Variants in FBXL4 observed in about 807,000 individuals in gnomAD.
The protein encoded by FBXL4 is F-box and leucine rich repeat protein 4, also known as F-box/LRR-repeat protein 4.
A neutral mutation model predicts 58.9 loss-of-function variants in FBXL4; 40 were observed. The ratio of observed to expected loss-of-function variants is 0.68; its 90% CI spans 0.53 to 0.88. The LOEUF (loss-of-function observed/expected upper bound fraction) is 0.88, where lower values mean the gene tolerates loss of function less well. Among genes scored for constraint, FBXL4 ranks in the 40% least tolerant of loss-of-function variants. The probability of loss-of-function intolerance (pLI) is 0.00; values close to 1 mark genes in which losing one functional copy is unlikely to be tolerated. For missense variants in FBXL4, 676 were observed against 734.4 expected, an observed-to-expected ratio of 0.92 and a Z score of 0.92; for synonymous variants, 263 against 265.5, an observed-to-expected ratio of 0.99 and a Z score of 0.09.
intron 4 of FBXL4, among the ~76,000 whole-genome samples, chr6:98,923,729 C>T (rs1438865553): frequency 6.6e-6 from 1 of 152,166 alleles, no homozygotes; most frequent in Non-Finnish European, 1.5e-5. Flanking sequence ...TGGTTCCTAG[C>T]AGTGAACTGG....
Position 98,917,575 on chromosome 6 carries a change from T to C in FBXL4, c.657A>G (p.Glu219=). Residue 219 remains glutamate (E), a synonymous_variant, in exon 5 of 10, where the codon GAA becomes GAG. Transcript: ENST00000369244. ...CACCATGTAGCACAACTGCATCTAA[T>C]TCAGTGTAATATTCCAGAAGAGAAC... ...VNSSLLEYYT[E]LDAVVLHGVK... 1 of 1,614,012 alleles carries C rather than the reference T, an allele frequency of 6.2e-7. No individual in the cohort carries two copies. Among genetic ancestry groups the C allele is most frequent in the Non-Finnish European group, 8.5e-7 (1 of 1,179,908 alleles).
Position 98,872,275 on chromosome 6 carries a change from T to C in FBXL4, c.*2003A>G, listed in dbSNP as rs1287233890. On this transcript the variant is annotated 3_prime_UTR_variant, in exon 10 of 10. Transcript: ENST00000369244. Reference sequence around the variant, plus strand: ...AATTGGAAGTGATTAAGCTGCAATGTAATAACATGCTAAAAGGAAAATATC... The same window carrying C: ...AATTGGAAGTGATTAAGCTGCAATGCAATAACATGCTAAAAGGAAAATATC... 2 of 152,208 alleles carry C rather than the reference T, an allele frequency of 1.3e-5. No individual in the cohort carries two copies. The highest frequency in any genetic ancestry group is 4.8e-5 in the African/African-American group (2 of 41,458). The allele number at this position is 152,208 out of a possible 1,614,324, so 9.4% of individuals were successfully genotyped here.
intron 5 of FBXL4, among the ~76,000 whole-genome samples, chr6:98,915,779 A>G (rs963607151): frequency 2.6e-4 from 39 of 152,246 alleles, no homozygotes; most frequent in Non-Finnish European, 4.6e-4. Context: ...TCATGTCTAA[A>G]ACACCAAAAG....
chr6:98,897,029 A>G (rs1771434106), intron 7 of FBXL4: 16 of 984,992 alleles, frequency 1.6e-5, no homozygotes, highest in Non-Finnish European at 1.9e-5. Context: ...ACAAGCCACA[A>G]TAGATATAAG....
At chr6:98,925,120 A>C (rs1490292639) in intron 4 of FBXL4, among the ~76,000 whole-genome samples, 1 of 152,236 alleles carries the variant, frequency 6.6e-6, no homozygotes, top group Non-Finnish European at 1.5e-5. Context: ...TTAAAGGAAA[A>C]AGAAATATAA....
intron 5 of FBXL4, among the ~76,000 whole-genome samples, chr6:98,911,202 C>T (rs1200107340): frequency 6.6e-6 from 1 of 152,220 alleles, no homozygotes; most frequent in Non-Finnish European, 1.5e-5. Flanking sequence ...GAGCCCACCA[C>T]AACTCAAGGA....
chr6:98,929,400 C>G (rs546274746), intron 2 of FBXL4, among the ~76,000 whole-genome samples: 1 of 151,620 alleles, frequency 6.6e-6, no homozygotes, highest in Non-Finnish European at 1.5e-5. Context: ...AGAGAAACCC[C>G]GTCTCTACTA....
chr6:98,886,986 C>T (rs1771062073), intron 7 of FBXL4, among the ~76,000 whole-genome samples: 3 of 152,110 alleles, frequency 2.0e-5, no homozygotes, highest in African/African-American at 4.8e-5. Context: ...TGGTGGCTCA[C>T]GCCTATAATT....
intron 1 of FBXL4, among the ~76,000 whole-genome samples, chr6:98,944,769 A>G (rs1188013606): frequency 6.6e-6 from 1 of 152,156 alleles, no homozygotes; most frequent in African/African-American, 2.4e-5. Flanking sequence ...GCAGCCCACT[A>G]TGAAAGATTC....
chr6:98,882,302 A>G (rs1463979292), intron 7 of FBXL4, among the ~76,000 whole-genome samples: 1 of 151,984 alleles, frequency 6.6e-6, no homozygotes, highest in Non-Finnish European at 1.5e-5. Flanking sequence ...ACTTCCTCAG[A>G]GGTAAACTTT....
intron 5 of FBXL4, among the ~76,000 whole-genome samples, chr6:98,911,863 C>T (rs946414578): frequency 7.9e-5 from 12 of 152,046 alleles, no homozygotes; most frequent in South Asian, 2.1e-4. Flanking sequence ...AGGTTTCAGA[C>T]GATCAAACTA....
chr6:98,912,480 G>A (rs1023973636), intron 5 of FBXL4, among the ~76,000 whole-genome samples: 22 of 152,052 alleles, frequency 1.4e-4, no homozygotes, highest in Admixed American at 7.9e-4. Flanking sequence ...CTGACCTCTC[G>A]GCAGAAACTC....
chr6:98,942,062 GA>G (rs1345118274), intron 1 of FBXL4, among the ~76,000 whole-genome samples: 3 of 139,198 alleles, frequency 2.2e-5, no homozygotes, highest in African/African-American at 5.5e-5. Flanking sequence ...TAAGTTCAAG[GA>G]AATTCTAAAG....
In FBXL4 at chr6:98,905,536, T is replaced by C. The variant is rs1231971520; in HGVS notation, c.993A>G (p.Lys331=). Residue 331 remains lysine (K), a synonymous_variant, in exon 6 of 10, where the codon AAA becomes AAG. Coordinates refer to ENST00000369244, the MANE Select transcript of FBXL4 (RefSeq NM_001278716.2). The part of the protein sequence containing the change: ...IHLNLQPYWA[K]LDDTSLEFLQ... The stretch of plus-strand genomic sequence containing the variant: ...GAAATTCCAGAGAAGTGTCATCTAG[T>C]TTTGCCCAGTATGGTTGCAGATTGA... 2 of 1,613,876 alleles carry C rather than the reference T, an allele frequency of 1.2e-6. No homozygotes were observed. Among genetic ancestry groups the C allele is most frequent in the African/African-American group, 2.7e-5 (2 of 74,890 alleles).
intron 6 of FBXL4, among the ~76,000 whole-genome samples, chr6:98,901,626 A>G (rs1377669022): frequency 6.6e-6 from 1 of 152,042 alleles, no homozygotes; most frequent in Non-Finnish European, 1.5e-5. Flanking sequence ...CAGATTATTT[A>G]ATATCCTCAT....
rs527556615 is a variant in FBXL4, at chr6:98,869,113, C to G, written c.*5165G>C. 1 of 151,796 alleles carries G rather than the reference C, an allele frequency of 6.6e-6. No homozygotes were observed. Among genetic ancestry groups the G allele is most frequent in the African/African-American group, 2.4e-5 (1 of 41,302 alleles). 9.4% of individuals were successfully genotyped at this position (151,796 alleles called of 1,614,324 possible). A position where few individuals can be genotyped will look rare whatever the true frequency, so the allele number is the denominator to read the frequency against. ...GCCTAGGTTTCTAGTAGTATGTTGT[C>G]AAAAAAAGCAAATGAGGTGATGATT... is the stretch of plus-strand genomic sequence containing the variant. On this transcript the variant is annotated 3_prime_UTR_variant, in exon 10 of 10. Transcript: ENST00000369244.
chr6:98,884,285 T>C lies in FBXL4; in HGVS notation c.1318-3661A>G, dbSNP rs1022307420. Among the ~76,000 whole-genome samples the C allele has an allele frequency of 2.0e-5, 3 of 152,166 alleles. 1 individual carries two copies. In the South Asian group the frequency reaches 6.2e-4, roughly 32 times the overall value. On this transcript the variant is annotated intron_variant, in intron 7 of 9. Transcript: ENST00000369244. Reference sequence around the variant, plus strand: ...TTAGGCACCGTTTAGGCACTTGGGATATAACAGTGAACAGAACAGTTAACC... The same window carrying C: ...TTAGGCACCGTTTAGGCACTTGGGACATAACAGTGAACAGAACAGTTAACC...
intron 8 of FBXL4, among the ~76,000 whole-genome samples, chr6:98,879,784 T>C (rs1208120425): frequency 6.6e-6 from 1 of 151,262 alleles, no homozygotes; most frequent in African/African-American, 2.4e-5. Flanking sequence ...CTACTAAAAA[T>C]ACAAAAAAAT....
chr6:98,887,706 G>A lies in FBXL4; in HGVS notation c.1318-7082C>T, dbSNP rs143331037. ...AACTGATCTTTGCTGAATAAGAGAC[G>A]TGAGATCAAATGCTGAGACCAAGAT... is the stretch of plus-strand genomic sequence containing the variant. On this transcript the variant is annotated intron_variant, in intron 7 of 9. Transcript: ENST00000369244. 9.9e-3 allele frequency among the ~76,000 whole-genome samples: 1,504 copies of A among 152,276 alleles called. 17 individuals are homozygous for A. Among genetic ancestry groups the A allele is most frequent in the African/African-American group, 0.031 (1,289 of 41,554 alleles).
Sources: gnomAD v4.1 joint callset for allele counts (sites outside exome capture counted in the v4.1 genomes callset) on GRCh38, gnomAD v4.1.1 for gene constraint, MANE v1.5 for transcripts, NCBI Gene and HGNC (gene_info 2026-07-23, HGNC 2026-07-21) for gene names.